The following NCKAP5 variants were observed in gnomAD, a reference collection of about 807,000 sequenced individuals.
The protein encoded by NCKAP5 is nck-associated protein 5.
A neutral mutation model predicts 167.0 loss-of-function variants in NCKAP5; 92 were observed. That is an observed-to-expected ratio of 0.55 (90% CI 0.47 to 0.66). The LOEUF is 0.66. Ranked by LOEUF, NCKAP5 falls within the 30% of genes least tolerant of loss-of-function variation. The pLI, the probability that NCKAP5 is intolerant of heterozygous loss-of-function variation, is 0.00. For missense variants in NCKAP5, 2,378 were observed against 2,315.0 expected, an observed-to-expected ratio of 1.03 and a Z score of -0.56; for synonymous variants, 891 against 877.4, an observed-to-expected ratio of 1.02 and a Z score of -0.27.
chr2:132,792,288 T>C (rs962556447), intron 12 of NCKAP5, among the ~76,000 whole-genome samples: 3 of 152,236 alleles, frequency 2.0e-5, no homozygotes, highest in African/African-American at 7.2e-5. Flanking sequence ...AAGGAGAAAC[T>C]TGTCTTAAAA....
intron 7 of NCKAP5, among the ~76,000 whole-genome samples, chr2:132,967,162 T>TACACACACAC (rs149896546): frequency 3.5e-5 from 5 of 141,726 alleles, no homozygotes; most frequent in African/African-American, 1.0e-4. Context: ...TGCCCTATCG[T>TACACACACAC]ACACACACAC....
chr2:133,295,831 C>T (rs1342954454), intron 4 of NCKAP5, among the ~76,000 whole-genome samples: 1 of 152,096 alleles, frequency 6.6e-6, no homozygotes, highest in Non-Finnish European at 1.5e-5. Flanking sequence ...ATCTGGAATC[C>T]GTGGTTGGTA....
At chr2:132,675,190 A>G (rs1196099023) in intron 19 of NCKAP5, among the ~76,000 whole-genome samples, 1 of 152,236 alleles carries the variant, frequency 6.6e-6, no homozygotes, top group Non-Finnish European at 1.5e-5. Flanking sequence ...TTGGTACTGA[A>G]GATACACAGC....
At chr2:132,858,476 A>C (rs1214289906) in intron 11 of NCKAP5, among the ~76,000 whole-genome samples, 1 of 152,214 alleles carries the variant, frequency 6.6e-6, no homozygotes, top group African/African-American at 2.4e-5. Flanking sequence ...TCCACTGTAT[A>C]TATTTTGTTT....
chr2:133,448,151 A>G (rs1691321147), intron 3 of NCKAP5, among the ~76,000 whole-genome samples: 1 of 151,870 alleles, frequency 6.6e-6, no homozygotes, highest in African/African-American at 2.4e-5. Flanking sequence ...TATTTTGATT[A>G]TGTTACCATC....
chr2:133,434,787 C>T (rs1172785042), intron 3 of NCKAP5, among the ~76,000 whole-genome samples: 1 of 152,040 alleles, frequency 6.6e-6, no homozygotes, highest in Non-Finnish European at 1.5e-5. Context: ...GATTTTCCAC[C>T]AATATTTTTT....
chr2:133,380,493 T>G (rs963477044), intron 3 of NCKAP5, among the ~76,000 whole-genome samples: 1 of 152,172 alleles, frequency 6.6e-6, no homozygotes, highest in East Asian at 1.9e-4. Context: ...CATTCTACTC[T>G]TAGAAAAAAA....
rs1558974108 is a variant in NCKAP5, at chr2:132,725,686, T to C, written c.5654A>G (p.Asp1885Gly). The change falls in exon 19 of 20, where the codon GAT becomes GGT. Residue 1885 changes from aspartate to glycine, a missense_variant. Physicochemically the swap from Asp to Gly is moderately conservative, Grantham distance 94. Transcript: ENST00000409261. ...TCCCCTTCCAGCTCCAAAACCATTA[T>C]CTCCATAGTCCAGGTCACTGTCACT... ...SNSDSDLDYG[D>G]NGFGAGRGQL... 2 of 1,613,208 alleles carry C rather than the reference T, an allele frequency of 1.2e-6. No individual in the cohort carries two copies.
chr2:132,840,771 T>C (rs1688243810), intron 11 of NCKAP5, among the ~76,000 whole-genome samples: 1 of 152,212 alleles, frequency 6.6e-6, no homozygotes, highest in Non-Finnish European at 1.5e-5. Context: ...GTGCGTATGT[T>C]TTGATACATT....
At chr2:132,756,117 G>A (rs1680533714) in intron 16 of NCKAP5, among the ~76,000 whole-genome samples, 1 of 152,090 alleles carries the variant, frequency 6.6e-6, no homozygotes, top group African/African-American at 2.4e-5. Context: ...CCCAGGCTGT[G>A]AGACTGTTGC....
At chr2:133,471,721 T>C (rs1329246149) in intron 3 of NCKAP5, among the ~76,000 whole-genome samples, 1 of 152,140 alleles carries the variant, frequency 6.6e-6, no homozygotes, top group Non-Finnish European at 1.5e-5. Context: ...CTTGCATGAA[T>C]CTCTTACCTA....
chr2:132,946,271 C>T (rs1697716355), intron 8 of NCKAP5, among the ~76,000 whole-genome samples: 2 of 152,144 alleles, frequency 1.3e-5, no homozygotes, highest in South Asian at 4.1e-4. Flanking sequence ...AGAGGCTGTC[C>T]TCTGGTAGAG....
the NCKAP5 span, among the ~76,000 whole-genome samples, chr2:133,607,313 A>G: frequency 6.6e-6 from 1 of 152,186 alleles, no homozygotes; most frequent in African/African-American, 2.4e-5. Flanking sequence ...TTCCCAGTCT[A>G]CTGTCAGACA....
At chr2:133,529,205 AACAAATG>A (rs1685161587) in intron 2 of NCKAP5, among the ~76,000 whole-genome samples, 1 of 152,164 alleles carries the variant, frequency 6.6e-6, no homozygotes, top group Non-Finnish European at 1.5e-5. Flanking sequence ...TATAAGCTAT[AACAAATG>A]TATATAGAGT....
At chr2:133,390,938 G>A (rs777273594) in intron 3 of NCKAP5, among the ~76,000 whole-genome samples, 1 of 152,110 alleles carries the variant, frequency 6.6e-6, no homozygotes, top group Non-Finnish European at 1.5e-5. Flanking sequence ...TGTATTTATT[G>A]GTAATATACT....
At chr2:133,606,094 C>T in the NCKAP5 span, among the ~76,000 whole-genome samples, 2 of 152,016 alleles carry the variant, frequency 1.3e-5, no homozygotes, top group African/African-American at 4.8e-5. Flanking sequence ...CTCAGCCTTG[C>T]TAATACTCAT....
chr2:133,669,212 C>T, the NCKAP5 span, among the ~76,000 whole-genome samples: 2 of 152,168 alleles, frequency 1.3e-5, no homozygotes, highest in Admixed American at 1.3e-4. Flanking sequence ...TTAAATGCCA[C>T]ACAGCTCACT....
intron 16 of NCKAP5, among the ~76,000 whole-genome samples, chr2:132,751,234 C>T (rs1224852667): frequency 6.6e-6 from 1 of 151,894 alleles, no homozygotes; most frequent in African/African-American, 2.4e-5. Context: ...CCTCTATCCC[C>T]CAAAAGCTGG....
rs1322171667 is a variant in NCKAP5, at chr2:133,528,339, A to G, written c.-61-10752T>C. Reference sequence around the variant, plus strand: ...ATTACTGGGCCTTTTTTTTTTTCCCATGTGTAGGTTGTTTCTTTTTATTCA... The same window carrying G: ...ATTACTGGGCCTTTTTTTTTTTCCCGTGTGTAGGTTGTTTCTTTTTATTCA... On this transcript the variant is annotated intron_variant, in intron 2 of 19. Coordinates refer to ENST00000409261, the MANE Select transcript of NCKAP5 (RefSeq NM_207363.3). Among the ~76,000 whole-genome samples the G allele has an allele frequency of 2.0e-5, 3 of 147,260 alleles. No homozygotes were observed. The East Asian group carries it at 6.0e-4, about 29-fold the overall frequency.
Sources: allele counts gnomAD v4.1 joint callset (sites outside exome capture counted in the v4.1 genomes callset), GRCh38; gene constraint gnomAD v4.1.1; transcripts MANE v1.5; gene names NCBI Gene and HGNC (gene_info 2026-07-23, HGNC 2026-07-21).